The following NSD1 variants were observed in gnomAD, a reference collection of about 807,000 sequenced individuals.
NSD1 encodes the protein nuclear receptor binding SET domain protein 1.
Under a neutral mutation model 242.7 loss-of-function variants are expected in NSD1, and 26 were observed. The ratio of observed to expected loss-of-function variants is 0.11; its 90% CI spans 0.08 to 0.15. The LOEUF (loss-of-function observed/expected upper bound fraction) is 0.15. NSD1 is among the 10% of genes least tolerant of loss of function. The probability of loss-of-function intolerance (pLI) is 1.00; values close to 1 mark genes in which losing one functional copy is unlikely to be tolerated. For synonymous variants in NSD1, 1,106 were observed against 1,178.1 expected (o/e 0.94, Z 1.25); for missense variants, 2,495 against 3,272.8 (o/e 0.76, Z 5.80).
Position 177,299,664 on chromosome 5 carries a change from G to C in NSD1, c.*4205G>C, listed in dbSNP as rs887112099. On this transcript the variant is annotated 3_prime_UTR_variant, in exon 23 of 23. Coordinates refer to ENST00000439151, the MANE Select transcript of NSD1 (RefSeq NM_022455.5). ...AAGTGTTTCGAGTTTAACATGCGCT[G>C]TTTCTGCTTATGTGGTTCCTTCTCT... 4.3e-6 allele frequency: 1 copy of C among 233,216 alleles called. No homozygotes were observed. The highest frequency in any genetic ancestry group is 2.2e-5 in the African/African-American group (1 of 45,352). 14.4% of individuals were successfully genotyped at this position (233,216 alleles called of 1,614,324 possible). A position where few individuals can be genotyped will look rare whatever the true frequency, so the allele number is the denominator to read the frequency against.
At chr5:177,173,490 T>TG (rs1759903797) in intron 2 of NSD1, among the ~76,000 whole-genome samples, 1 of 140,864 alleles carries the variant, frequency 7.1e-6, no homozygotes, top group South Asian at 2.3e-4. Context: ...TTTTTTTTTT[T>TG]GCGACGGAGT....
At chr5:177,263,038 A>G (rs1239215041) in intron 14 of NSD1, among the ~76,000 whole-genome samples, 3 of 152,116 alleles carry the variant, frequency 2.0e-5, no homozygotes, top group African/African-American at 4.8e-5. Context: ...TGGAACCCCA[A>G]CCCCCTATCA....
chr5:177,151,394 A>AT (rs1315584041), intron 2 of NSD1, among the ~76,000 whole-genome samples: 1 of 151,448 alleles, frequency 6.6e-6, no homozygotes. Flanking sequence ...TTTTATTTTT[A>AT]TTTTTATTTT....
At chr5:177,218,763 GT>G (rs1251786146) in intron 5 of NSD1, among the ~76,000 whole-genome samples, 3 of 151,340 alleles carry the variant, frequency 2.0e-5, no homozygotes, top group Non-Finnish European at 4.4e-5. Context: ...AGTAGACAGG[GT>G]TTCACCATGT....
intron 2 of NSD1, among the ~76,000 whole-genome samples, chr5:177,164,944 A>G (rs948528726): frequency 4.0e-5 from 6 of 149,802 alleles, no homozygotes; most frequent in Non-Finnish European, 7.4e-5. Flanking sequence ...ACTCTGTCTC[A>G]TTAAAAAAAA....
At chr5:177,149,224 GTT>G (rs34743257) in intron 2 of NSD1, among the ~76,000 whole-genome samples, 1 of 143,040 alleles carries the variant, frequency 7.0e-6, no homozygotes, top group Non-Finnish European at 1.5e-5. Context: ...ATTATGTTTT[GTT>G]TTTTTTTTTG....
chr5:177,273,843 C>T lies in NSD1; in HGVS notation c.5622+59C>T. 2.7e-6 allele frequency: 3 copies of T among 1,102,838 alleles called. No individual in the cohort carries two copies. In the South Asian group the frequency reaches 3.8e-5, roughly 14 times the overall value. The allele number at this position is 1,102,838 out of a possible 1,614,324, so 68.3% of individuals were successfully genotyped here. A position where few individuals can be genotyped will look rare whatever the true frequency, so the allele number is the denominator to read the frequency against. ...AGAGAAATGGAATAGCTGGCTCTTC[C>T]CACTCTGTTCATGACAAGAACGGAA... On this transcript the variant is annotated intron_variant, in intron 17 of 22. Transcript: ENST00000439151.
At position 177,294,287 on chromosome 5, in the gene NSD1, C is replaced by G. The variant is rs768164290; in HGVS notation, c.6919C>G (p.Gln2307Glu). ...CCTCGCTGGGTCAGGGACCAAATCC[C>G]AATCCTTGGTTTCCAGCCAGAGGCC... is the stretch of plus-strand genomic sequence containing the variant. Reference protein sequence around the residue: ...RDLAGSGTKSQSLVSSQRPLD... With the variant: ...RDLAGSGTKSESLVSSQRPLD... The change falls in exon 23 of 23, where the codon CAA becomes GAA. Residue 2307 changes from glutamine to glutamate, a missense_variant. Physicochemically the swap from Gln to Glu is conservative, Grantham distance 29 (BLOSUM62 2). This residue lies in a region of NSD1 where 475 missense variants were observed against 563.7 expected (regional missense o/e 0.84). Coordinates refer to ENST00000439151, the MANE Select transcript of NSD1 (RefSeq NM_022455.5). 2.5e-6 allele frequency: 4 copies of G among 1,613,540 alleles called. No individual in the cohort carries two copies. In the East Asian group the frequency reaches 8.9e-5, roughly 36 times the overall value.
rs543230590 is a variant in NSD1, at chr5:177,220,588, G to C, written c.3796+8393G>C. ...CTTTTTTTTTTTTTTTTTTTTTTTT[G>C]AAACAGAGGCTTGCTCTGTCGCCTA... On this transcript the variant is annotated intron_variant, in intron 5 of 22. Transcript: ENST00000439151. Among the ~76,000 whole-genome samples the C allele has an allele frequency of 9.9e-5, 3 of 30,284 alleles. No individual in the cohort carries two copies. The South Asian group carries it at 3.9e-3, about 39-fold the overall frequency. 19.9% of individuals were successfully genotyped at this position (30,284 alleles called of 152,430 possible).
At chr5:177,145,768 C>T (rs1202292910) in intron 2 of NSD1, among the ~76,000 whole-genome samples, 5 of 151,916 alleles carry the variant, frequency 3.3e-5, no homozygotes, top group African/African-American at 7.3e-5. Flanking sequence ...ATTAGCCAGG[C>T]GTGATGGTGC....
At chr5:177,215,220 C>T (rs911882670) in intron 5 of NSD1, among the ~76,000 whole-genome samples, 1 of 149,650 alleles carries the variant, frequency 6.7e-6, no homozygotes, top group Non-Finnish European at 1.5e-5. Flanking sequence ...GCTCTTGTTG[C>T]CCAGGCCGGA....
chr5:177,136,629 G>A (rs1415440000), intron 2 of NSD1, among the ~76,000 whole-genome samples: 1 of 149,966 alleles, frequency 6.7e-6, no homozygotes, highest in Non-Finnish European at 1.5e-5. Context: ...TTGAGGTGGA[G>A]TCTCACTCTG....
intron 20 of NSD1, among the ~76,000 whole-genome samples, chr5:177,285,951 A>C (rs942900764): frequency 2.0e-5 from 3 of 152,126 alleles, no homozygotes; most frequent in Non-Finnish European, 2.9e-5. Flanking sequence ...GCTGGAGTGC[A>C]GTGGCATGAT....
intron 2 of NSD1, among the ~76,000 whole-genome samples, chr5:177,155,818 T>C (rs1328863347): frequency 2.0e-5 from 3 of 151,750 alleles, no homozygotes; most frequent in Non-Finnish European, 4.4e-5. Context: ...CCCCAGTAGC[T>C]GGGATTACAG....
chr5:177,220,155 T>C (rs942190882), intron 5 of NSD1, among the ~76,000 whole-genome samples: 2 of 152,248 alleles, frequency 1.3e-5, no homozygotes, highest in African/African-American at 4.8e-5. Flanking sequence ...AAAATCTCCT[T>C]GTGTTACTCT....
chr5:177,207,013 C>T (rs753424609), intron 4 of NSD1, among the ~76,000 whole-genome samples: 3 of 151,960 alleles, frequency 2.0e-5, no homozygotes, highest in Admixed American at 6.6e-5. Flanking sequence ...CTCGGCTCAC[C>T]GCAACCTCTG....
chr5:177,225,992 C>T (rs1764600435), intron 5 of NSD1, among the ~76,000 whole-genome samples: 1 of 152,168 alleles, frequency 6.6e-6, no homozygotes, highest in South Asian at 2.1e-4. Flanking sequence ...TTGTTTCACT[C>T]TCATATCCAT....
chr5:177,237,520 T>G (rs1765544409), intron 6 of NSD1, among the ~76,000 whole-genome samples: 1 of 148,520 alleles, frequency 6.7e-6, no homozygotes, highest in Admixed American at 6.7e-5. Flanking sequence ...ATGTAAATTT[T>G]ATTATTTTAT....
intron 17 of NSD1, among the ~76,000 whole-genome samples, chr5:177,280,091 G>A (rs1758745790): frequency 7.0e-6 from 1 of 142,284 alleles, no homozygotes; most frequent in Non-Finnish European, 1.5e-5. Flanking sequence ...CTCACTGCAA[G>A]CTCAGCCTCC....
Sources: gnomAD v4.1 joint callset for allele counts (sites outside exome capture counted in the v4.1 genomes callset) on GRCh38, gnomAD v4.1.1 for gene constraint, gnomAD v4.1.1 regional missense constraint, MANE v1.5 for transcripts, NCBI Gene and HGNC (gene_info 2026-07-23, HGNC 2026-07-21) for gene names.